The following PPP6R1 variants were observed in gnomAD, a reference collection of about 807,000 sequenced individuals.
PPP6R1 encodes protein phosphatase 6 regulatory subunit 1.
PPP6R1 carries 39 observed loss-of-function variants against 104.6 expected under a neutral mutation model. That is an observed-to-expected ratio of 0.37 (90% CI 0.29 to 0.49). The LOEUF is 0.49. Among genes scored for constraint, PPP6R1 ranks in the 20% least tolerant of loss-of-function variants. PPP6R1 has a pLI of 0.98. For synonymous variants in PPP6R1, 549 were observed against 479.0 expected (o/e 1.15, Z -1.91); for missense variants, 1,181 against 1,155.8 (o/e 1.02, Z -0.32).
In PPP6R1 at chr19:55,246,900, G is replaced by A. The variant is rs778760053; in HGVS notation, c.204C>T (p.Ser68=). The change falls in exon 2 of 24, where the codon AGC becomes AGT. Residue 68 remains serine (S), a synonymous_variant. Transcript: ENST00000412770. ...ACTTGTAGCGCAGCCGCTCCTCACC[G>A]CTATCTGGCGGCTCCTGGGTGACCC... ...VAWVTQEPPD[S]GEERLRYKYP... 1.5e-5 allele frequency: 24 copies of A among 1,610,784 alleles called. No homozygotes were observed. Among genetic ancestry groups the A allele is most frequent in the East Asian group, 2.2e-5 (1 of 44,826 alleles).
At position 55,245,469 on chromosome 19, in the gene PPP6R1, C is replaced by T. The variant is rs574873891; in HGVS notation, c.414+23G>A. ...GCCACCACCCCTCAACCCACGGTGG[C>T]GCCAGGGTGGGGGCCAGGGCACCTG... On this transcript the variant is annotated intron_variant, in intron 3 of 23. Coordinates refer to ENST00000412770, the MANE Select transcript of PPP6R1 (RefSeq NM_014931.4). This position sits in a 1 kb window ranked among gnomAD's most constrained non-coding sequence, Gnocchi z 6.4. 1.5e-5 allele frequency: 24 copies of T among 1,610,024 alleles called. No homozygotes were observed. The East Asian group carries it at 2.9e-4, about 20-fold the overall frequency.
rs958781178 is a variant in PPP6R1, at chr19:55,241,850, G to C, written c.846-211C>G. The stretch of plus-strand genomic sequence containing the variant: ...CATTGGCAGTCCACTGTGAGAGCAC[G>C]GGTGAGGGGTGGAGGCGGGAAGGCA... On this transcript the variant is annotated intron_variant, in intron 7 of 23. Transcript: ENST00000412770. This position sits in a 1 kb window ranked among gnomAD's most constrained non-coding sequence, Gnocchi z 5.4. 1.3e-5 allele frequency among the ~76,000 whole-genome samples: 2 copies of C among 152,222 alleles called. No homozygotes were observed. The highest frequency in any genetic ancestry group is 2.4e-5 in the African/African-American group (1 of 41,464).
chr19:55,242,549 T>C (rs201069623), intron 5 of PPP6R1, 61 bp from the exon 6 acceptor site: 3 of 1,415,054 alleles, frequency 2.1e-6, no homozygotes, highest in Non-Finnish European at 3.0e-6. Flanking sequence ...TGCAGCCTGG[T>C]GCTGGGAGCC....
intron 5 of PPP6R1, among the ~76,000 whole-genome samples, chr19:55,244,048 A>G (rs974046958): frequency 1.3e-5 from 2 of 152,190 alleles, no homozygotes; most frequent in African/African-American, 4.8e-5. Flanking sequence ...ATGCTGTGCA[A>G]TTTACATCTC....
intron 15 of PPP6R1, among the ~76,000 whole-genome samples, chr19:55,237,415 A>G (rs1287835166): frequency 1.3e-5 from 2 of 152,190 alleles, no homozygotes; most frequent in East Asian, 1.9e-4. Flanking sequence ...CCTAACCTCA[A>G]GATGTCTACG....
At position 55,231,606 on chromosome 19, in the gene PPP6R1, T is replaced by C. The variant is rs2087347641; in HGVS notation, c.2369A>G (p.Glu790Gly). 1.9e-6 allele frequency: 3 copies of C among 1,611,306 alleles called. No individual in the cohort carries two copies. Among genetic ancestry groups the C allele is most frequent in the Non-Finnish European group, 2.5e-6 (3 of 1,178,826 alleles). ...GGCAAAGCGGGGCTCACCTGAGGGCTCCGTGACTTTGCTGCCTTCTGTGGC... is the reference window on the plus strand; with the variant it reads ...GGCAAAGCGGGGCTCACCTGAGGGCCCCGTGACTTTGCTGCCTTCTGTGGC... ...QEATEGSKVT[E>G]PSAPCQALVS... The change falls in exon 20 of 24, where the codon GAG becomes GGG. Residue 790 changes from glutamate to glycine, a missense_variant. This residue lies in a region of PPP6R1 where 1,042 missense variants were observed against 955.6 expected (regional missense o/e 1.09). Transcript: ENST00000412770.
chr19:55,236,127 C>T (rs933614154), intron 17 of PPP6R1, among the ~76,000 whole-genome samples: 1 of 150,356 alleles, frequency 6.7e-6, no homozygotes, highest in African/African-American at 2.5e-5. Context: ...AGCCACTGTG[C>T]CCGGCTAATT....
Position 55,231,835 on chromosome 19 carries a change from G to T in PPP6R1, c.2273C>A (p.Ala758Asp). Residue 758 changes from alanine (A) to aspartate (D), a missense_variant, in exon 19 of 24, where the codon GCC becomes GAC. By Grantham distance (126) the Ala-to-Asp change is moderately radical. Around this residue, in one of 2 missense-constraint regions of PPP6R1, gnomAD observed 1,042 missense variants for 955.6 expected, o/e 1.09. Transcript: ENST00000412770. ...CAGGGCGTCACGGGCAGGAGGGCTG[G>T]CCAGGCTCTGAGTGGGGAGGCCCTG... is the stretch of plus-strand genomic sequence containing the variant. ...VPQGLPTQSL[A>D]SPPARDALQL... 3 of 1,503,476 alleles carry T rather than the reference G, an allele frequency of 2.0e-6. No individual in the cohort carries two copies. The highest frequency in any genetic ancestry group is 2.7e-6 in the Non-Finnish European group (3 of 1,127,198). The allele number at this position is 1,503,476 out of a possible 1,614,324, so 93.1% of individuals were successfully genotyped here. A position where few individuals can be genotyped will look rare whatever the true frequency, so the allele number is the denominator to read the frequency against.
At chr19:55,240,371 A>AG in intron 10 of PPP6R1, 71 bp from the exon 11 acceptor site, 2 of 1,449,736 alleles carry the variant, frequency 1.4e-6, no homozygotes, top group Non-Finnish European at 1.9e-6. Flanking sequence ...GCACTGCAGC[A>AG]GGGGTCCCTT....
chr19:55,230,731 C>T (rs1600101717), intron 22 of PPP6R1, 43 bp downstream of exon 22: 2 of 1,483,528 alleles, frequency 1.3e-6, no homozygotes, highest in East Asian at 4.9e-5. Context: ...CCTGCCCCAC[C>T]AGCCCCACCC....
In PPP6R1 at chr19:55,241,441, C is replaced by T. The variant is rs928043623; in HGVS notation, c.1008+36G>A. ...CCCAAGGGCTGCCCTTCCTGCTTCC[C>T]CCGCCTCCCCGAGGACCAGAACCCA... On this transcript the variant is annotated intron_variant, in intron 8 of 23. Transcript: ENST00000412770. The surrounding 1 kb of genome is among the most constrained non-coding windows in gnomAD (Gnocchi z 5.4). 3.8e-6 allele frequency: 6 copies of T among 1,596,084 alleles called. No individual in the cohort carries two copies. The highest frequency in any genetic ancestry group is 4.3e-6 in the Non-Finnish European group (5 of 1,168,952).
intron 10 of PPP6R1, among the ~76,000 whole-genome samples, chr19:55,240,511 GCATACA>G (rs1341660889): frequency 9.5e-5 from 12 of 126,026 alleles, no homozygotes; most frequent in African/African-American, 3.9e-4. Flanking sequence ...AATATGTGGT[GCATACA>G]CACACACACA....
chr19:55,247,232 C>G, intron 1 of PPP6R1, 123 bp from the exon 2 acceptor site: 1 of 1,019,282 alleles, frequency 9.8e-7, no homozygotes, highest in Non-Finnish European at 1.5e-6. Context: ...TCCCAGCCCT[C>G]TGCCTCATGC....
Position 55,241,427 on chromosome 19 carries a change from C to T in PPP6R1, c.1009-36G>A, listed in dbSNP as rs1238139616. The T allele has an allele frequency of 6.3e-7, 1 of 1,596,210 alleles. No homozygotes were observed. Among genetic ancestry groups the T allele is most frequent in the African/African-American group, 1.3e-5 (1 of 74,608 alleles). On this transcript the variant is annotated intron_variant, in intron 8 of 23. Transcript: ENST00000412770. The surrounding 1 kb of genome is among the most constrained non-coding windows in gnomAD (Gnocchi z 5.4). Reference sequence around the variant, plus strand: ...AGGGAGGCCTGATTCCCAAGGGCTGCCCTTCCTGCTTCCCCCGCCTCCCCG... The same window carrying T: ...AGGGAGGCCTGATTCCCAAGGGCTGTCCTTCCTGCTTCCCCCGCCTCCCCG...
At chr19:55,257,102 A>C (rs953710558) in intron 1 of PPP6R1, among the ~76,000 whole-genome samples, 1 of 150,348 alleles carries the variant, frequency 6.7e-6, no homozygotes. Context: ...AAAAAAAAGC[A>C]TAACATTTTC....
chr19:55,255,034 G>T (rs1410328338), intron 1 of PPP6R1, among the ~76,000 whole-genome samples: 1 of 152,156 alleles, frequency 6.6e-6, no homozygotes, highest in African/African-American at 2.4e-5. Context: ...AAGGGGGAGC[G>T]GCCCAAGGCC....
intron 17 of PPP6R1, among the ~76,000 whole-genome samples, chr19:55,235,579 C>T (rs893444017): frequency 4.0e-5 from 6 of 150,278 alleles, no homozygotes; most frequent in African/African-American, 1.2e-4. Flanking sequence ...AGTACAGTGG[C>T]GCAATCTTGG....
chr19:55,241,146 C>T lies in PPP6R1; in HGVS notation c.1162-67G>A. On this transcript the variant is annotated intron_variant, in intron 9 of 23. Transcript: ENST00000412770. The surrounding 1 kb of genome is among the most constrained non-coding windows in gnomAD (Gnocchi z 5.4). ...CAGCCGAGCCCCCAACCCCTGAGCC[C>T]CCAGCCGAGCCCCCACCCCAGCCCC... is the stretch of plus-strand genomic sequence containing the variant. The T allele has an allele frequency of 6.6e-7, 1 of 1,503,892 alleles. No individual in the cohort carries two copies. Among genetic ancestry groups the T allele is most frequent in the Non-Finnish European group, 8.9e-7 (1 of 1,125,756 alleles). The allele number at this position is 1,503,892 out of a possible 1,614,324, so 93.2% of individuals were successfully genotyped here.
intron 21 of PPP6R1, 135 bp downstream of exon 21, chr19:55,231,275 C>A (rs1406733186): frequency 3.6e-6 from 4 of 1,097,256 alleles, no homozygotes; most frequent in Non-Finnish European, 5.4e-6. Context: ...GGCTGGGGCA[C>A]AACATGAGGC....
Sources: allele counts gnomAD v4.1 joint callset (sites outside exome capture counted in the v4.1 genomes callset), GRCh38; gene constraint gnomAD v4.1.1; regional missense constraint gnomAD v4.1.1; non-coding constraint Gnocchi (gnomAD v3.1); transcripts MANE v1.5; gene names NCBI Gene and HGNC (gene_info 2026-07-23, HGNC 2026-07-21).